Variants in TAOK1 observed in about 807,000 individuals in gnomAD.
TAOK1 encodes TAO kinase 1, also known as serine/threonine-protein kinase TAO1.
Under a neutral mutation model 138.3 loss-of-function variants are expected in TAOK1, and 21 were observed. That is an observed-to-expected ratio of 0.15 (90% CI 0.11 to 0.22). The LOEUF (loss-of-function observed/expected upper bound fraction) is 0.22. TAOK1 is among the 10% of genes least tolerant of loss of function. The pLI is 1.00. For missense variants in TAOK1, 651 were observed against 1,227.7 expected (o/e 0.53, Z 7.02); for synonymous variants, 361 against 398.4 (o/e 0.91, Z 1.12).
intron 19 of TAOK1, among the ~76,000 whole-genome samples, chr17:29,542,284 G>A (rs75986551): frequency 0.037 from 5,612 of 152,208 alleles, 366 homozygotes; most frequent in African/African-American, 0.13. Flanking sequence ...ATTGGGTACA[G>A]TGTTCCCTAT....
intron 18 of TAOK1, 107 bp downstream of exon 18, chr17:29,530,726 G>T: frequency 1.1e-6 from 1 of 905,504 alleles, no homozygotes; most frequent in South Asian, 1.5e-5. Flanking sequence ...TAGCTCTCCT[G>T]AAGCTTGGGA....
intron 15 of TAOK1, among the ~76,000 whole-genome samples, chr17:29,515,558 G>A (rs2031798900): frequency 6.6e-6 from 1 of 152,068 alleles, no homozygotes; most frequent in Non-Finnish European, 1.5e-5. Flanking sequence ...TCTAAAGGCC[G>A]GGTGCAGTGG....
intron 15 of TAOK1, chr17:29,513,216 T>C (rs1475961882): frequency 6.6e-6 from 1 of 152,154 alleles, no homozygotes; most frequent in African/African-American, 2.4e-5. Context: ...GATATGTATG[T>C]CTTGTTGTGT....
rs2032455613 is a variant in TAOK1, at chr17:29,549,487, A to C, written c.*6465A>C. 6.6e-6 allele frequency: 1 copy of C among 152,306 alleles called. No homozygotes were observed. The highest frequency in any genetic ancestry group is 2.1e-4 in the South Asian group (1 of 4,826). 9.4% of individuals were successfully genotyped at this position (152,306 alleles called of 1,614,324 possible). On this transcript the variant is annotated 3_prime_UTR_variant, in exon 20 of 20. Coordinates refer to ENST00000261716, the MANE Select transcript of TAOK1 (RefSeq NM_020791.4). The stretch of plus-strand genomic sequence containing the variant: ...AGGGCCACTTGAAAGCATGAAGACC[A>C]GTTATATAGGGAACAGGTTTCTCTC...
At position 29,542,773 on chromosome 17, in the gene TAOK1, A is replaced by G. The variant is rs745759201; in HGVS notation, c.2757A>G (p.Gly919=). 1.7e-5 allele frequency: 28 copies of G among 1,614,038 alleles called. No individual in the cohort carries two copies. The highest frequency in any genetic ancestry group is 2.2e-5 in the Non-Finnish European group (26 of 1,180,038). The change falls in exon 20 of 20, where the codon GGA becomes GGG. Residue 919 remains glycine (G), a synonymous_variant. Transcript: ENST00000261716. ...CACACAACCCTACTGGGGGTCCAGG[A>G]CCTCACTGGGGTCATCCCATGGGTG... is the stretch of plus-strand genomic sequence containing the variant. ...GWSHNPTGGP[G]PHWGHPMGGP... is the part of the protein sequence containing the mutation.
At chr17:29,534,805 A>T (rs755111624) in intron 19 of TAOK1, among the ~76,000 whole-genome samples, 17 of 152,212 alleles carry the variant, frequency 1.1e-4, no homozygotes, top group Non-Finnish European at 2.1e-4. Context: ...CACACAGGTG[A>T]AAAGTCAGGC....
At chr17:29,437,252 C>T (rs916462152) in intron 1 of TAOK1, among the ~76,000 whole-genome samples, 3 of 151,600 alleles carry the variant, frequency 2.0e-5, no homozygotes, top group Admixed American at 6.6e-5. Flanking sequence ...TTAGTAAAGA[C>T]GGGGTTACAC....
chr17:29,437,156 TG>T (rs946172465), intron 1 of TAOK1, among the ~76,000 whole-genome samples: 63 of 152,104 alleles, frequency 4.1e-4, no homozygotes, highest in African/African-American at 1.4e-3. Context: ...CTCCTCCTCC[TG>T]GGTTCAAGCG....
At chr17:29,496,123 G>A (rs571940436) in intron 11 of TAOK1, among the ~76,000 whole-genome samples, 74 of 151,814 alleles carry the variant, frequency 4.9e-4, no homozygotes, top group Middle Eastern at 3.4e-3. Flanking sequence ...ATTTTGAGAC[G>A]GAGTTTTGCT....
chr17:29,414,374 T>C lies in TAOK1; in HGVS notation c.-95+23350T>C, dbSNP rs535283071. On this transcript the variant is annotated intron_variant, in intron 1 of 19. Coordinates refer to ENST00000261716, the MANE Select transcript of TAOK1 (RefSeq NM_020791.4). Reference sequence around the variant, plus strand: ...AAATGATTCTCCTGCCTCAGCCTCCTGAGTAGCTGGGATTACAGGCACACG... The same window carrying C: ...AAATGATTCTCCTGCCTCAGCCTCCCGAGTAGCTGGGATTACAGGCACACG... 3.0e-3 allele frequency among the ~76,000 whole-genome samples: 442 copies of C among 149,602 alleles called. 2 individuals carry two copies. Among genetic ancestry groups the C allele is most frequent in the African/African-American group, 0.01 (424 of 40,684 alleles).
chr17:29,391,521 C>T (rs529941247), intron 1 of TAOK1, among the ~76,000 whole-genome samples: 58 of 152,312 alleles, frequency 3.8e-4, no homozygotes, highest in African/African-American at 1.3e-3. Context: ...TCCCCATCCT[C>T]TAGTCTACTG....
At chr17:29,515,185 TAAAGTATG>T (rs1028110380) in intron 15 of TAOK1, among the ~76,000 whole-genome samples, 6 of 152,118 alleles carry the variant, frequency 3.9e-5, no homozygotes, top group Non-Finnish European at 5.9e-5. Flanking sequence ...ATACCATTCA[TAAAGTATG>T]TCTCTATTCT....
intron 18 of TAOK1, among the ~76,000 whole-genome samples, chr17:29,532,990 A>C (rs1567747385): frequency 5.4e-4 from 4 of 7,434 alleles, no homozygotes; most frequent in East Asian, 0.015. Context: ...CAGGGGGCTG[A>C]CCCCCCCACC....
intron 1 of TAOK1, among the ~76,000 whole-genome samples, chr17:29,410,028 T>C (rs1021926681): frequency 2.6e-5 from 4 of 152,170 alleles, no homozygotes; most frequent in Non-Finnish European, 5.9e-5. Flanking sequence ...AGTCTTATTA[T>C]TGTTGCTATT....
intron 2 of TAOK1, among the ~76,000 whole-genome samples, chr17:29,457,819 C>T (rs1428802462): frequency 6.6e-6 from 1 of 150,418 alleles, no homozygotes; most frequent in Admixed American, 6.7e-5. Flanking sequence ...TAAAATTAAC[C>T]ATAACAAAAG....
At chr17:29,472,591 G>A (rs1245340375) in intron 3 of TAOK1, among the ~76,000 whole-genome samples, 4 of 70,800 alleles carry the variant, frequency 5.6e-5, no homozygotes, top group Non-Finnish European at 1.1e-4. Flanking sequence ...TTTTTTTTTT[G>A]AGATGGAGTT....
At chr17:29,534,724 T>A (rs2032192139) in intron 19 of TAOK1, among the ~76,000 whole-genome samples, 1 of 152,184 alleles carries the variant, frequency 6.6e-6, no homozygotes, top group Non-Finnish European at 1.5e-5. Flanking sequence ...ATTACCTTAC[T>A]CATACATCCT....
intron 1 of TAOK1, among the ~76,000 whole-genome samples, chr17:29,404,416 TC>T (rs1328992494): frequency 3.3e-5 from 5 of 151,818 alleles, no homozygotes; most frequent in African/African-American, 1.2e-4. Context: ...CCCAGCTCAA[TC>T]TCCCAAGGTG....
intron 16 of TAOK1, among the ~76,000 whole-genome samples, chr17:29,521,960 G>A (rs1456120175): frequency 6.6e-6 from 1 of 152,190 alleles, no homozygotes; most frequent in African/African-American, 2.4e-5. Flanking sequence ...TGAAGAAATT[G>A]AAAGGATAAC....
Sources: gnomAD v4.1 joint callset for allele counts (sites outside exome capture counted in the v4.1 genomes callset) on GRCh38, gnomAD v4.1.1 for gene constraint, MANE v1.5 for transcripts, NCBI Gene and HGNC (gene_info 2026-07-23, HGNC 2026-07-21) for gene names.